The following MAF variants were observed in gnomAD, a reference collection of about 807,000 sequenced individuals.
MAF encodes MAF bZIP transcription factor.
Under a neutral mutation model 22.0 loss-of-function variants are expected in MAF, and 10 were observed. The observed-to-expected ratio is 0.45, with a 90% CI of 0.28 to 0.77. MAF has a LOEUF of 0.77. MAF is among the 30% of genes least tolerant of loss of function. The pLI is 0.12. For missense variants in MAF, 544 were observed against 548.4 expected, an observed-to-expected ratio of 0.99 and a Z score of 0.08; for synonymous variants, 337 against 255.8, an observed-to-expected ratio of 1.32 and a Z score of -3.03.
the MAF span, among the ~76,000 whole-genome samples, chr16:79,219,751 G>A: frequency 6.6e-6 from 1 of 151,972 alleles, no homozygotes; most frequent in Non-Finnish European, 1.5e-5. Flanking sequence ...GTGATCTCCT[G>A]TACCTCAGAC....
the MAF span, among the ~76,000 whole-genome samples, chr16:79,362,789 C>T: frequency 6.9e-4 from 105 of 152,224 alleles, no homozygotes; most frequent in Non-Finnish European, 1.0e-3. Context: ...ACAATGGGAA[C>T]ACCTGGTGCT....
At chr16:79,546,765 A>G in the MAF span, among the ~76,000 whole-genome samples, 1 of 152,172 alleles carries the variant, frequency 6.6e-6, no homozygotes, top group Non-Finnish European at 1.5e-5. Context: ...CCTCGTGTGC[A>G]TATGTGTGAC....
chr16:79,513,550 T>C, the MAF span, among the ~76,000 whole-genome samples: 2 of 151,950 alleles, frequency 1.3e-5, no homozygotes, highest in Non-Finnish European at 2.9e-5. Flanking sequence ...GCAAAGTGGT[T>C]GTGAGCAGTG....
chr16:79,432,099 G>A, the MAF span, among the ~76,000 whole-genome samples: 2 of 152,186 alleles, frequency 1.3e-5, no homozygotes, highest in African/African-American at 4.8e-5. Context: ...GCGGGACTAG[G>A]TGGAGGTAAA....
At chr16:79,449,174 C>T in the MAF span, among the ~76,000 whole-genome samples, 1 of 152,132 alleles carries the variant, frequency 6.6e-6, no homozygotes, top group Non-Finnish European at 1.5e-5. Flanking sequence ...ATGCTGCCAC[C>T]GATCTGACAG....
the MAF span, among the ~76,000 whole-genome samples, chr16:79,547,157 G>A: frequency 6.6e-6 from 1 of 151,890 alleles, no homozygotes; most frequent in Non-Finnish European, 1.5e-5. Flanking sequence ...TTGGTGACAT[G>A]GAAACATCCT....
the MAF span, among the ~76,000 whole-genome samples, chr16:79,534,238 T>C: frequency 6.6e-6 from 1 of 152,220 alleles, no homozygotes; most frequent in Non-Finnish European, 1.5e-5. Context: ...AAATGTCATT[T>C]ATTATTTTTT....
At chr16:79,455,067 G>T in the MAF span, among the ~76,000 whole-genome samples, 1 of 150,720 alleles carries the variant, frequency 6.6e-6, no homozygotes. Context: ...TTGCACTACA[G>T]CCTGGGCAAC....
the MAF span, among the ~76,000 whole-genome samples, chr16:79,421,384 C>G: frequency 6.6e-6 from 1 of 152,232 alleles, no homozygotes; most frequent in Admixed American, 6.5e-5. Flanking sequence ...TCATCCCTCC[C>G]TCCCTGCTAG....
the MAF span, among the ~76,000 whole-genome samples, chr16:79,389,832 C>A: frequency 6.6e-6 from 1 of 151,418 alleles, no homozygotes; most frequent in South Asian, 2.1e-4. Context: ...AAAAATTAGC[C>A]AGGCGTGGTG....
chr16:79,308,320 G>C, the MAF span, among the ~76,000 whole-genome samples: 3 of 152,134 alleles, frequency 2.0e-5, no homozygotes, highest in Non-Finnish European at 4.4e-5. Context: ...AGAAGATAAG[G>C]TGTTAACTTA....
chr16:79,595,543 C>T lies in MAF; in HGVS notation c.1119-990G>A, dbSNP rs969110869. ...GGAAGATGACTAAGAGTGCAAACTG[C>T]ATGAATTTGTAACATTAGTTTCATG... On this transcript the variant is annotated intron_variant, in intron 1 of 1. Coordinates refer to ENST00000326043, the MANE Select transcript of MAF (RefSeq NM_005360.5). 1.0e-5 allele frequency: 11 copies of T among 1,059,706 alleles called. No homozygotes were observed. In the African/African-American group the frequency reaches 1.8e-4, roughly 17 times the overall value. The allele number at this position is 1,059,706 out of a possible 1,614,324, so 65.6% of individuals were successfully genotyped here.
chr16:79,454,801 G>C, the MAF span, among the ~76,000 whole-genome samples: 1 of 149,536 alleles, frequency 6.7e-6, no homozygotes, highest in Non-Finnish European at 1.5e-5. Context: ...TTACCCCATA[G>C]CTGTGATCTG....
chr16:79,249,027 G>A, the MAF span, among the ~76,000 whole-genome samples: 2 of 152,124 alleles, frequency 1.3e-5, no homozygotes, highest in African/African-American at 2.4e-5. Context: ...TTCATATGCT[G>A]AAGCCTAACC....
At chr16:79,355,829 T>C in the MAF span, among the ~76,000 whole-genome samples, 1 of 151,510 alleles carries the variant, frequency 6.6e-6, no homozygotes, top group African/African-American at 2.4e-5. Flanking sequence ...CGTGGTGGGG[T>C]CCTAAGTCTT....
At chr16:79,366,585 C>T in the MAF span, among the ~76,000 whole-genome samples, 1 of 152,284 alleles carries the variant, frequency 6.6e-6, no homozygotes, top group East Asian at 1.9e-4. Context: ...GTGTGACTTA[C>T]TTTGATCAAG....
the MAF span, among the ~76,000 whole-genome samples, chr16:79,348,038 C>A: frequency 6.6e-6 from 1 of 152,012 alleles, no homozygotes; most frequent in Non-Finnish European, 1.5e-5. Context: ...ATAGTTCGAT[C>A]CTCTTTCCCT....
the MAF span, among the ~76,000 whole-genome samples, chr16:79,243,164 T>C: frequency 6.6e-6 from 1 of 151,546 alleles, no homozygotes; most frequent in African/African-American, 2.4e-5. Flanking sequence ...AGCAAACAAA[T>C]TAAAAAGCTA....
At chr16:79,319,306 T>A in the MAF span, among the ~76,000 whole-genome samples, 11 of 152,234 alleles carry the variant, frequency 7.2e-5, no homozygotes, top group African/African-American at 2.4e-4. Flanking sequence ...GAGGACTTAA[T>A]TAATTTGATC....
Sources: gnomAD v4.1 joint callset for allele counts (sites outside exome capture counted in the v4.1 genomes callset) on GRCh38, gnomAD v4.1.1 for gene constraint, MANE v1.5 for transcripts, NCBI Gene and HGNC (gene_info 2026-07-23, HGNC 2026-07-21) for gene names.